Variants in SETBP1 observed in about 807,000 individuals in gnomAD.
SETBP1 encodes SET binding protein 1, also known as SET-binding protein.
Under a neutral mutation model 101.0 loss-of-function variants are expected in SETBP1, and 9 were observed. That is an observed-to-expected ratio of 0.09 (90% confidence interval 0.05 to 0.16). SETBP1 has a LOEUF of 0.16. SETBP1 is among the 10% of genes least tolerant of loss of function. The pLI, the probability that SETBP1 is intolerant of heterozygous loss-of-function variation, is 1.00. For synonymous variants in SETBP1, 818 were observed against 788.5 expected, an observed-to-expected ratio of 1.04 and a Z score of -0.63; for missense variants, 1,858 against 2,033.8, an observed-to-expected ratio of 0.91 and a Z score of 1.66.
intron 2 of SETBP1, among the ~76,000 whole-genome samples, chr18:44,780,029 T>C (rs1223827780): frequency 1.3e-5 from 2 of 152,130 alleles, no homozygotes; most frequent in Non-Finnish European, 2.9e-5. Context: ...TGGGACTACT[T>C]AAGAGAGTTC....
chr18:44,835,571 A>T (rs2072478314), intron 2 of SETBP1, among the ~76,000 whole-genome samples: 1 of 152,240 alleles, frequency 6.6e-6, no homozygotes, highest in Non-Finnish European at 1.5e-5. Context: ...TTCAAATTTA[A>T]CTATTGTCCT....
At chr18:44,870,159 C>G (rs2069240402) in intron 3 of SETBP1, 1 of 152,230 alleles carries the variant, frequency 6.6e-6, no homozygotes, top group Admixed American at 6.5e-5. Flanking sequence ...CAGCGAACTT[C>G]CAGGGGTCGA....
chr18:44,827,702 G>C (rs2072266759), intron 2 of SETBP1, among the ~76,000 whole-genome samples: 2 of 152,164 alleles, frequency 1.3e-5, no homozygotes, highest in Non-Finnish European at 1.5e-5. Context: ...TACCAAAAGA[G>C]AAACTGCATA....
intron 2 of SETBP1, among the ~76,000 whole-genome samples, chr18:44,862,061 A>T (rs538343931): frequency 2.6e-5 from 4 of 152,344 alleles, no homozygotes; most frequent in African/African-American, 9.6e-5. Context: ...TCCACCCAGA[A>T]GTTGAAATAG....
intron 3 of SETBP1, among the ~76,000 whole-genome samples, chr18:44,929,277 CTG>C (rs2070771696): frequency 6.6e-6 from 1 of 152,162 alleles, no homozygotes; most frequent in Admixed American, 6.5e-5. Context: ...GGGCTCTACT[CTG>C]TTCCATTGGT....
At chr18:45,054,793 G>A (rs922870636) in intron 5 of SETBP1, among the ~76,000 whole-genome samples, 8 of 152,050 alleles carry the variant, frequency 5.3e-5, no homozygotes, top group African/African-American at 1.9e-4. Flanking sequence ...AAAGTCCCAG[G>A]TGGTTTGTCT....
In SETBP1 at chr18:44,996,946, G is replaced by C. The variant is rs2072509933; in HGVS notation, c.4001-41539G>C. On this transcript the variant is annotated intron_variant, in intron 4 of 5. Coordinates refer to ENST00000649279, the MANE Select transcript of SETBP1 (RefSeq NM_015559.3). Reference sequence around the variant, plus strand: ...GTGAGATGGGTACAGGCAGGTCTCAGCTGACGGGAGTATCCCAGAGTGTTT... The same window carrying C: ...GTGAGATGGGTACAGGCAGGTCTCACCTGACGGGAGTATCCCAGAGTGTTT... Among the ~76,000 whole-genome samples the C allele has an allele frequency of 2.0e-5, 3 of 152,220 alleles. No individual in the cohort carries two copies. In the South Asian group the frequency reaches 6.2e-4, roughly 31 times the overall value.
chr18:44,874,486 G>T (rs913365071), intron 3 of SETBP1, among the ~76,000 whole-genome samples: 3 of 152,120 alleles, frequency 2.0e-5, no homozygotes, highest in Non-Finnish European at 4.4e-5. Flanking sequence ...CTGTGCTGTT[G>T]GTCCATACAA....
intron 2 of SETBP1, among the ~76,000 whole-genome samples, chr18:44,789,869 C>T (rs1179541495): frequency 6.6e-6 from 1 of 152,156 alleles, no homozygotes; most frequent in Non-Finnish European, 1.5e-5. Context: ...AAGTACTTTT[C>T]CACACTGATT....
At chr18:44,960,240 A>G (rs568282550) in intron 4 of SETBP1, among the ~76,000 whole-genome samples, 135 of 152,202 alleles carry the variant, frequency 8.9e-4, no homozygotes, top group African/African-American at 2.9e-3. Context: ...GTTGGGGAAC[A>G]TTGGCAGATA....
At chr18:44,844,363 AC>A (rs2144546100) in intron 2 of SETBP1, among the ~76,000 whole-genome samples, 1 of 146,768 alleles carries the variant, frequency 6.8e-6, no homozygotes, top group African/African-American at 2.5e-5. Context: ...GCACACACAC[AC>A]ACACACACTA....
At chr18:45,049,697 G>A (rs552786460) in intron 5 of SETBP1, among the ~76,000 whole-genome samples, 1 of 152,196 alleles carries the variant, frequency 6.6e-6, no homozygotes, top group South Asian at 2.1e-4. Context: ...CTCCCTACAG[G>A]GAGCCATTGA....
At chr18:44,998,850 A>C (rs190554868) in intron 4 of SETBP1, among the ~76,000 whole-genome samples, 1 of 152,316 alleles carries the variant, frequency 6.6e-6, no homozygotes, top group Non-Finnish European at 1.5e-5. Flanking sequence ...CCTAACAGAA[A>C]ACACTTGTTA....
chr18:44,984,429 C>T (rs1243835454), intron 4 of SETBP1, among the ~76,000 whole-genome samples: 2 of 152,150 alleles, frequency 1.3e-5, no homozygotes, highest in Admixed American at 6.5e-5. Context: ...GGTTCAGGCT[C>T]CTATGAGAAT....
chr18:44,936,277 C>T (rs1038813908), intron 3 of SETBP1, among the ~76,000 whole-genome samples: 5 of 152,152 alleles, frequency 3.3e-5, no homozygotes, highest in African/African-American at 7.2e-5. Flanking sequence ...AGTGGGATCC[C>T]GGGGCAGCGG....
At chr18:44,748,184 G>A (rs2070302236) in intron 2 of SETBP1, among the ~76,000 whole-genome samples, 1 of 152,108 alleles carries the variant, frequency 6.6e-6, no homozygotes, top group African/African-American at 2.4e-5. Flanking sequence ...GGATGGAAAG[G>A]ATGGAAAGGA....
At chr18:44,869,556 G>A in intron 3 of SETBP1, 1 of 459,910 alleles carries the variant, frequency 2.2e-6, no homozygotes, top group Non-Finnish European at 4.0e-6. Flanking sequence ...GTTAAGTGTT[G>A]GGGATTCAGC....
At chr18:44,900,165 G>A (rs2144825626) in intron 3 of SETBP1, among the ~76,000 whole-genome samples, 1 of 152,294 alleles carries the variant, frequency 6.6e-6, no homozygotes, top group South Asian at 2.1e-4. Flanking sequence ...GTGATCTTAG[G>A]ACAACAGCAT....
At chr18:44,919,960 G>A (rs989621799) in intron 3 of SETBP1, among the ~76,000 whole-genome samples, 2 of 152,074 alleles carry the variant, frequency 1.3e-5, no homozygotes, top group Non-Finnish European at 2.9e-5. Flanking sequence ...TAGAATGTAA[G>A]ATTCATGAGG....
Sources: allele counts gnomAD v4.1 joint callset (sites outside exome capture counted in the v4.1 genomes callset), GRCh38; gene constraint gnomAD v4.1.1; transcripts MANE v1.5; gene names NCBI Gene and HGNC (gene_info 2026-07-23, HGNC 2026-07-21).